NRF1: variants seen among roughly 807,000 people sequenced by gnomAD.
NRF1 encodes the protein nuclear respiratory factor 1, also known as alpha palindromic-binding protein.
Under a neutral mutation model 58.5 loss-of-function variants are expected in NRF1, and 5 were observed. The observed-to-expected ratio is 0.09, with a 90% confidence interval of 0.04 to 0.18. The LOEUF (loss-of-function observed/expected upper bound fraction) is 0.18. Among genes scored for constraint, NRF1 ranks in the 10% least tolerant of loss-of-function variants. The probability of loss-of-function intolerance (pLI) is 1.00; values close to 1 mark genes in which losing one functional copy is unlikely to be tolerated. For synonymous variants in NRF1, 224 were observed against 246.7 expected, an observed-to-expected ratio of 0.91 and a Z score of 0.86; for missense variants, 288 against 657.7, an observed-to-expected ratio of 0.44 and a Z score of 6.15.
At chr7:129,715,774 G>A (rs1803172659) in intron 8 of NRF1, among the ~76,000 whole-genome samples, 1 of 152,196 alleles carries the variant, frequency 6.6e-6, no homozygotes, top group Non-Finnish European at 1.5e-5. Context: ...GGAGGCGGAG[G>A]CAGGTGGATC....
rs983439273 is a variant in NRF1, at chr7:129,641,089, C to T, written c.-6-16257C>T. Among the ~76,000 whole-genome samples, 5 of 152,264 alleles carry T rather than the reference C, an allele frequency of 3.3e-5. No homozygotes were observed. The East Asian group carries it at 9.6e-4, about 29-fold the overall frequency. On this transcript the variant is annotated intron_variant, in intron 1 of 10. Transcript: ENST00000393232. The stretch of plus-strand genomic sequence containing the variant: ...TCCCAGTCCTACTATCCAGAGACAG[C>T]CTTTAAAAACTTTTTCACTATTTCT...
At chr7:129,659,423 ATCTCCAAC>A (rs1173778645) in intron 2 of NRF1, among the ~76,000 whole-genome samples, 1 of 152,112 alleles carries the variant, frequency 6.6e-6, no homozygotes, top group Non-Finnish European at 1.5e-5. Context: ...TTTTTCCTGC[ATCTCCAAC>A]TGGTCTCCTG....
chr7:129,722,198 C>T (rs1363833499), intron 9 of NRF1, among the ~76,000 whole-genome samples: 1 of 151,906 alleles, frequency 6.6e-6, no homozygotes, highest in South Asian at 2.1e-4. Flanking sequence ...AGTTTGAGAC[C>T]AGCCTCAACA....
intron 1 of NRF1, among the ~76,000 whole-genome samples, chr7:129,612,430 C>G (rs1390414214): frequency 6.6e-6 from 1 of 152,188 alleles, no homozygotes; most frequent in African/African-American, 2.4e-5. Context: ...GCTTGTTACC[C>G]AGGTAGACTG....
Position 129,673,838 on chromosome 7 carries a change from A to T in NRF1, c.338+2295A>T, listed in dbSNP as rs549246495. On this transcript the variant is annotated intron_variant, in intron 3 of 10. Transcript: ENST00000393232. ...AGAACTTAAAGTAAAATTAAAAAAA[A>T]ATTTTTTTAAGCTGTTTTTGGCTGG... Among the ~76,000 whole-genome samples, 266 of 151,302 alleles carry T rather than the reference A, an allele frequency of 1.8e-3. 2 individuals carry two copies. The highest frequency in any genetic ancestry group is 7.5e-3 in the South Asian group (36 of 4,792).
chr7:129,736,276 T>A (rs951070845), intron 10 of NRF1, among the ~76,000 whole-genome samples: 18 of 4,482 alleles, frequency 4.0e-3, no homozygotes, highest in African/African-American at 7.9e-3. Context: ...TCAATAGAAT[T>A]TTTTTTTTTT....
At chr7:129,639,313 T>C (rs74781129) in intron 1 of NRF1, among the ~76,000 whole-genome samples, 153 of 152,252 alleles carry the variant, frequency 1.0e-3, no homozygotes, top group African/African-American at 3.4e-3. Context: ...TTTTGGTTAT[T>C]TGATCTTGAC....
At chr7:129,711,120 A>C (rs1435418876) in intron 7 of NRF1, among the ~76,000 whole-genome samples, 3 of 152,068 alleles carry the variant, frequency 2.0e-5, no homozygotes, top group Non-Finnish European at 4.4e-5. Flanking sequence ...ACTCTCAGTG[A>C]TCAGGGAATA....
rs1473775173 is a variant in NRF1, at chr7:129,672,192, CAGG to C, written c.338+652_338+654del. Among the ~76,000 whole-genome samples the C allele has an allele frequency of 2.9e-5, 4 of 139,692 alleles. No individual in the cohort carries two copies. In the Admixed American group the frequency reaches 3.1e-4, roughly 11 times the overall value. 91.6% of individuals were successfully genotyped at this position (139,692 alleles called of 152,430 possible). A position where few individuals can be genotyped will look rare whatever the true frequency, so the allele number is the denominator to read the frequency against. The stretch of plus-strand genomic sequence containing the variant: ...TCAGAGCAGTAGAGAAGAGCCACGC[CAGG>C]AGATCTTTTTTTTTTTTTTTTTTTT... On this transcript the variant is annotated intron_variant, in intron 3 of 10. Transcript: ENST00000393232.
At chr7:129,723,917 A>G (rs528232271) in intron 9 of NRF1, among the ~76,000 whole-genome samples, 9 of 152,248 alleles carry the variant, frequency 5.9e-5, no homozygotes. Context: ...AACACAGTGT[A>G]TAAAAATTAA....
chr7:129,728,150 A>G (rs1199517266), intron 10 of NRF1, among the ~76,000 whole-genome samples: 3 of 152,150 alleles, frequency 2.0e-5, no homozygotes, highest in African/African-American at 7.2e-5. Context: ...TGTGATTGTT[A>G]TATTTTTAAA....
intron 6 of NRF1, among the ~76,000 whole-genome samples, chr7:129,710,159 T>A (rs1803041653): frequency 1.3e-5 from 2 of 152,332 alleles, no homozygotes; most frequent in South Asian, 4.1e-4. Flanking sequence ...TAAACTAGAC[T>A]TTGATCAAGA....
At chr7:129,620,362 C>G (rs1304861979) in intron 1 of NRF1, among the ~76,000 whole-genome samples, 1 of 147,662 alleles carries the variant, frequency 6.8e-6, no homozygotes, top group African/African-American at 2.5e-5. Context: ...ATACAGTAGG[C>G]TTTATGGGGT....
At chr7:129,657,301 A>G (rs1301413641) in intron 1 of NRF1, 45 bp from the exon 2 acceptor site, 1 of 1,367,244 alleles carries the variant, frequency 7.3e-7, no homozygotes, top group South Asian at 1.2e-5. Context: ...ATTGTGTTAT[A>G]TTACACACTG....
At chr7:129,745,128 TTTC>T (rs894964797) in intron 10 of NRF1, among the ~76,000 whole-genome samples, 3 of 152,184 alleles carry the variant, frequency 2.0e-5, no homozygotes, top group African/African-American at 7.2e-5. Context: ...TCCTGGTGAC[TTTC>T]TTCTTCTGAG....
intron 5 of NRF1, among the ~76,000 whole-genome samples, chr7:129,705,019 TTAC>T (rs1348409473): frequency 6.6e-6 from 1 of 152,114 alleles, no homozygotes; most frequent in African/African-American, 2.4e-5. Flanking sequence ...AAAATCAGAA[TTAC>T]CAATCAGTTG....
At chr7:129,656,643 T>G (rs1172606858) in intron 1 of NRF1, among the ~76,000 whole-genome samples, 5 of 151,746 alleles carry the variant, frequency 3.3e-5, no homozygotes, top group Non-Finnish European at 5.9e-5. Flanking sequence ...GGCACAACCT[T>G]GGCTCACTGC....
At chr7:129,625,933 T>C (rs187703867) in intron 1 of NRF1, among the ~76,000 whole-genome samples, 6 of 152,204 alleles carry the variant, frequency 3.9e-5, no homozygotes, top group Admixed American at 2.6e-4. Flanking sequence ...CCACCCGCCT[T>C]GGCCTCCCAA....
At position 129,731,241 on chromosome 7, in the gene NRF1, G is replaced by A. The variant is rs182793405; in HGVS notation, c.1348+3876G>A. Among the ~76,000 whole-genome samples, 894 of 150,428 alleles carry A rather than the reference G, an allele frequency of 5.9e-3. 10 individuals carry two copies. The highest frequency in any genetic ancestry group is 0.021 in the African/African-American group (850 of 40,918). ...AGCTGAGATCATGCCACTGCACTCC[G>A]GCCTGGGCGACAGAGCAAGACTCCG... On this transcript the variant is annotated intron_variant, in intron 10 of 10. Coordinates refer to ENST00000393232, the MANE Select transcript of NRF1 (RefSeq NM_005011.5).
Sources: allele counts gnomAD v4.1 joint callset (sites outside exome capture counted in the v4.1 genomes callset), GRCh38; gene constraint gnomAD v4.1.1; transcripts MANE v1.5; gene names NCBI Gene and HGNC (gene_info 2026-07-23, HGNC 2026-07-21).